Variants in GAREM1 observed in about 807,000 individuals in gnomAD.
GAREM1 encodes GRB2-associated and regulator of MAPK protein 1.
GAREM1 carries 26 observed loss-of-function variants against 71.3 expected under a neutral mutation model. The ratio of observed to expected loss-of-function variants is 0.36; its 90% CI spans 0.27 to 0.51. The LOEUF (loss-of-function observed/expected upper bound fraction) is 0.51. Ranked by LOEUF, GAREM1 falls within the 20% of genes least tolerant of loss-of-function variation. The probability of loss-of-function intolerance (pLI) is 0.95; values close to 1 mark genes in which losing one functional copy is unlikely to be tolerated. For missense variants in GAREM1, 1,026 were observed against 1,103.1 expected (o/e 0.93, Z 0.99); for synonymous variants, 440 against 433.2 (o/e 1.02, Z -0.20).
At chr18:32,303,999 A>G (rs1598945285) in intron 3 of GAREM1, among the ~76,000 whole-genome samples, 1 of 145,918 alleles carries the variant, frequency 6.9e-6, no homozygotes, top group African/African-American at 2.5e-5. Flanking sequence ...AGGGGAGGGG[A>G]GGGAGAGGAG....
intron 1 of GAREM1, among the ~76,000 whole-genome samples, chr18:32,446,661 T>C (rs1309010111): frequency 1.3e-5 from 2 of 152,222 alleles, no homozygotes; most frequent in Non-Finnish European, 2.9e-5. Context: ...AAAACAGAAG[T>C]TGACAAATGT....
Position 32,310,295 on chromosome 18 carries a change from T to G in GAREM1, c.291A>C (p.Arg97=), listed in dbSNP as rs1288152011. Residue 97 remains arginine (R), a synonymous_variant, in exon 3 of 6, where the codon CGA becomes CGC. Transcript: ENST00000269209. ...AATATTGCACTGGCTCCTTTATATC[T>G]CGGTCTTGTTCCAGCAGCTTGAATT... The part of the protein sequence containing the change: ...AGQFKLLEQD[R]DIKEPVQYFN... 6.2e-7 allele frequency: 1 copy of G among 1,614,156 alleles called. No individual in the cohort carries two copies. The highest frequency in any genetic ancestry group is 1.7e-5 in the Admixed American group (1 of 60,022).
intron 2 of GAREM1, among the ~76,000 whole-genome samples, chr18:32,317,880 A>G (rs562988735): frequency 2.6e-5 from 4 of 152,270 alleles, no homozygotes; most frequent in African/African-American, 9.6e-5. Context: ...AAGTGAAATC[A>G]ATTTACATGA....
chr18:32,355,444 A>G (rs1363975018), intron 2 of GAREM1, among the ~76,000 whole-genome samples: 2 of 152,172 alleles, frequency 1.3e-5, no homozygotes, highest in African/African-American at 4.8e-5. Context: ...TATGATATTC[A>G]TAAATTTTAC....
At chr18:32,277,817 T>G (rs1197354683) in intron 4 of GAREM1, among the ~76,000 whole-genome samples, 1 of 152,242 alleles carries the variant, frequency 6.6e-6, no homozygotes, top group Non-Finnish European at 1.5e-5. Flanking sequence ...GAGAATTTGT[T>G]AACAGTAGGA....
chr18:32,271,119 C>T (rs148715634), intron 4 of GAREM1, among the ~76,000 whole-genome samples: 26 of 152,220 alleles, frequency 1.7e-4, no homozygotes, highest in African/African-American at 6.3e-4. Flanking sequence ...GTTGCTCAGG[C>T]TGCCTCCCAA....
chr18:32,382,847 AGGTGGACAGAGAACT>A (rs909579566), intron 2 of GAREM1, among the ~76,000 whole-genome samples: 5 of 152,242 alleles, frequency 3.3e-5, no homozygotes, highest in Non-Finnish European at 7.4e-5. Flanking sequence ...AAAGGACCCT[AGGTGGACAGAGAACT>A]GGGACTCCCA....
chr18:32,338,629 G>A (rs1003599914), intron 2 of GAREM1, among the ~76,000 whole-genome samples: 1 of 152,210 alleles, frequency 6.6e-6, no homozygotes, highest in Non-Finnish European at 1.5e-5. Flanking sequence ...TTAAGGTCTT[G>A]AAATTTTGGA....
At chr18:32,344,428 AAAG>A (rs1251636740) in intron 2 of GAREM1, among the ~76,000 whole-genome samples, 3 of 152,202 alleles carry the variant, frequency 2.0e-5, no homozygotes, top group Non-Finnish European at 4.4e-5. Flanking sequence ...TGGGACATGT[AAAG>A]AAGCTCAACA....
intron 1 of GAREM1, among the ~76,000 whole-genome samples, chr18:32,423,222 G>A (rs78872506): frequency 0.018 from 2,800 of 152,280 alleles, 94 homozygotes; most frequent in African/African-American, 0.064. Flanking sequence ...TCTCATCTGC[G>A]ATGTGAGAAC....
At chr18:32,419,271 A>G (rs112976424) in intron 1 of GAREM1, among the ~76,000 whole-genome samples, 54 of 152,290 alleles carry the variant, frequency 3.5e-4, no homozygotes, top group Middle Eastern at 3.4e-3. Flanking sequence ...TTGCCTGATT[A>G]GGTCGGGCCA....
chr18:32,405,286 C>T (rs547718663), intron 1 of GAREM1, among the ~76,000 whole-genome samples: 30 of 152,218 alleles, frequency 2.0e-4, no homozygotes, highest in South Asian at 4.2e-4. Context: ...GCAACCTCCG[C>T]CTCCCGGGTT....
chr18:32,421,543 G>A (rs1023742487), intron 1 of GAREM1, among the ~76,000 whole-genome samples: 4 of 152,102 alleles, frequency 2.6e-5, no homozygotes, highest in Non-Finnish European at 2.9e-5. Flanking sequence ...TCCAAACGCC[G>A]TGGGGTGCAG....
At chr18:32,464,432 T>A (rs2048980461) in intron 1 of GAREM1, among the ~76,000 whole-genome samples, 1 of 152,152 alleles carries the variant, frequency 6.6e-6, no homozygotes, top group Non-Finnish European at 1.5e-5. Flanking sequence ...GGCCAGAGGA[T>A]CATCTGAGCC....
chr18:32,300,436 T>G (rs1016346855), intron 3 of GAREM1, among the ~76,000 whole-genome samples: 1 of 152,242 alleles, frequency 6.6e-6, no homozygotes, highest in Non-Finnish European at 1.5e-5. Context: ...TAGCTTGTAT[T>G]ATTTTACAGG....
At chr18:32,404,868 T>G (rs1008460623) in intron 1 of GAREM1, among the ~76,000 whole-genome samples, 1 of 152,222 alleles carries the variant, frequency 6.6e-6, no homozygotes, top group Non-Finnish European at 1.5e-5. Context: ...ACATATATAA[T>G]AAGAATCAGA....
In GAREM1 at chr18:32,329,177, C is replaced by G. The variant is rs2047503595; in HGVS notation, c.263-18854G>C. Among the ~76,000 whole-genome samples the G allele has an allele frequency of 2.0e-5, 3 of 152,070 alleles. 1 individual carries two copies. The South Asian group carries it at 6.2e-4, about 32-fold the overall frequency. On this transcript the variant is annotated intron_variant, in intron 2 of 5. Transcript: ENST00000269209. ...CTTGAGGCCAGGAATGCTAGACCAG[C>G]TTGGGCAACACAGTGAGACCCCACC... is the stretch of plus-strand genomic sequence containing the variant.
intron 1 of GAREM1, among the ~76,000 whole-genome samples, chr18:32,451,629 G>C (rs991036195): frequency 1.2e-4 from 19 of 152,126 alleles, no homozygotes; most frequent in African/African-American, 4.6e-4. Flanking sequence ...TTGCCTAGAG[G>C]CCCTCTTTCT....
intron 1 of GAREM1, among the ~76,000 whole-genome samples, chr18:32,451,746 A>T (rs2048842554): frequency 6.6e-6 from 1 of 152,270 alleles, no homozygotes; most frequent in African/African-American, 2.4e-5. Flanking sequence ...AACAAAAAAA[A>T]ATCTGGGCCT....
Sources: allele counts gnomAD v4.1 joint callset (sites outside exome capture counted in the v4.1 genomes callset), GRCh38; gene constraint gnomAD v4.1.1; transcripts MANE v1.5; gene names NCBI Gene and HGNC (gene_info 2026-07-23, HGNC 2026-07-21).